The following TRMT2B variants were observed in gnomAD, a reference collection of about 807,000 sequenced individuals.
The protein encoded by TRMT2B is tRNA methyltransferase 2B.
A neutral mutation model predicts 39.7 loss-of-function variants in TRMT2B; 34 were observed. The ratio of observed to expected loss-of-function variants is 0.86; its 90% CI spans 0.65 to 1.14. The LOEUF is 1.14. Among genes scored for constraint, TRMT2B ranks in the 50% most tolerant of loss-of-function variants. The pLI is 0.00. For missense variants in TRMT2B, 318 were observed against 377.2 expected, an observed-to-expected ratio of 0.84 and a Z score of 1.30; for synonymous variants, 132 against 137.3, an observed-to-expected ratio of 0.96 and a Z score of 0.27.
the TRMT2B span, chrX:100,988,640 C>G: frequency 5.2e-6 from 4 of 767,856 alleles, no homozygotes; most frequent in Non-Finnish European, 6.6e-6. Context: ...CAATTTTGAG[C>G]CTGAATTTCT....
chrX:101,043,819 G>A (rs1371495137), intron 2 of TRMT2B, among the ~76,000 whole-genome samples: 3 of 112,359 alleles, frequency 2.7e-5, no homozygotes, highest in Non-Finnish European at 5.6e-5. Flanking sequence ...GCAACAGGCT[G>A]AAAAGTTAAG....
At chrX:101,045,359 C>T (rs769832606) in intron 2 of TRMT2B, among the ~76,000 whole-genome samples, 38 of 105,494 alleles carry the variant, frequency 3.6e-4, no homozygotes, top group Non-Finnish European at 6.6e-4. Flanking sequence ...GAGGCTGAGG[C>T]AGGAGAATCG....
At chrX:101,013,393 A>T (rs1450742259) in intron 13 of TRMT2B, among the ~76,000 whole-genome samples, 1 of 111,480 alleles carries the variant, frequency 9.0e-6, no homozygotes, top group Admixed American at 9.7e-5. Flanking sequence ...GAATCAACTA[A>T]AAAATGAATA....
At chrX:100,992,717 T>C in the TRMT2B span, among the ~76,000 whole-genome samples, 1 of 112,194 alleles carries the variant, frequency 8.9e-6, no homozygotes, top group Admixed American at 9.5e-5. Flanking sequence ...GTGCTTTATA[T>C]ATATAATTAC....
chrX:101,012,103 A>G (rs1288136754), intron 13 of TRMT2B, among the ~76,000 whole-genome samples: 1 of 111,252 alleles, frequency 9.0e-6, no homozygotes. Context: ...TAAACCAGTA[A>G]CACAGTCATT....
intron 8 of TRMT2B, among the ~76,000 whole-genome samples, chrX:101,022,281 G>A (rs1602551775): frequency 9.0e-6 from 1 of 110,786 alleles, no homozygotes; most frequent in South Asian, 3.8e-4. Flanking sequence ...TTGAGCCCAG[G>A]AGTGTAAGAC....
intron 2 of TRMT2B, among the ~76,000 whole-genome samples, chrX:101,042,623 T>C (rs1170881988): frequency 8.9e-6 from 1 of 112,007 alleles, no homozygotes; most frequent in Non-Finnish European, 1.9e-5. Context: ...GCAGCTAATA[T>C]TTAGTAAGTG....
At chrX:100,986,936 G>T in the TRMT2B span, 2 of 995,378 alleles carry the variant, frequency 2.0e-6, no homozygotes, top group Non-Finnish European at 2.8e-6. Flanking sequence ...TCTTCCTCTG[G>T]AGCCCAGCTG....
At chrX:101,045,944 G>A (rs1242429613) in intron 2 of TRMT2B, among the ~76,000 whole-genome samples, 3 of 108,748 alleles carry the variant, frequency 2.8e-5, no homozygotes, top group Non-Finnish European at 3.8e-5. Context: ...TCAGCAGTTC[G>A]AGACCAGGCT....
chrX:100,986,905 A>G, the TRMT2B span: 12 of 1,131,756 alleles, frequency 1.1e-5, no homozygotes, highest in Non-Finnish European at 1.2e-5. Context: ...CCGAGTAGTA[A>G]GTGTCAACCT....
the TRMT2B span, among the ~76,000 whole-genome samples, chrX:100,979,191 T>A: frequency 8.9e-6 from 1 of 111,850 alleles, no homozygotes; most frequent in African/African-American, 3.2e-5. Flanking sequence ...ATATTCTGTA[T>A]TTGTCTGTAT....
the TRMT2B span, among the ~76,000 whole-genome samples, chrX:101,003,348 CTTTTT>C: frequency 1.0e-5 from 1 of 97,765 alleles, no homozygotes; most frequent in Non-Finnish European, 2.0e-5. Context: ...CATCCGATAG[CTTTTT>C]TTTTTTTTTT....
At chrX:101,003,320 C>T in the TRMT2B span, among the ~76,000 whole-genome samples, 1 of 106,639 alleles carries the variant, frequency 9.4e-6, no homozygotes, top group Admixed American at 1.0e-4. Flanking sequence ...ACAGGATAGT[C>T]ACATGGCATT....
At chrX:101,005,106 A>G (rs1602484317), downstream of TRMT2B, among the ~76,000 whole-genome samples, 1 of 111,274 alleles carries the variant, frequency 9.0e-6, no homozygotes, top group African/African-American at 3.3e-5. Context: ...AAGAGAGACT[A>G]AAGAGGCCAT....
rs2089094755 is a variant in TRMT2B at position 101,051,547 on chromosome X, T to C, written c.-320A>G. ...ACAAAGAGGAGACACTAGGAAAGGC[T>C]ACCACTAAACTTGGCCGGTCTGCAG... is the stretch of plus-strand genomic sequence containing the variant. On this transcript the variant is annotated 5_prime_UTR_variant, in exon 2 of 14. Transcript: ENST00000372936. 1 of 754,466 alleles carries C rather than the reference T, an allele frequency of 1.3e-6. No individual in the cohort carries two copies. The highest frequency in any genetic ancestry group is 1.5e-4 in the East Asian group (1 of 6,634). The allele number at this position is 754,466 out of a possible 1,213,427, so 62.2% of individuals were successfully genotyped here.
chrX:101,036,662 G>A (rs183187402), intron 6 of TRMT2B, among the ~76,000 whole-genome samples: 3 of 111,118 alleles, frequency 2.7e-5, no homozygotes, highest in African/African-American at 6.5e-5. Flanking sequence ...GCAGAAAGCA[G>A]CATAAAATGA....
chrX:101,045,064 T>C (rs2088553051), intron 2 of TRMT2B, among the ~76,000 whole-genome samples: 1 of 106,089 alleles, frequency 9.4e-6, no homozygotes, highest in African/African-American at 3.4e-5. Context: ...TGCTCATGTC[T>C]GTAATCCCAG....
the TRMT2B span, among the ~76,000 whole-genome samples, chrX:101,001,785 C>G: frequency 1.0e-5 from 1 of 95,447 alleles, no homozygotes; most frequent in Non-Finnish European, 2.0e-5. Context: ...GCTTAAAACA[C>G]GGAATTCAAA....
At chrX:101,010,838 T>A in intron 13 of TRMT2B, 131 bp from the exon 14 acceptor site, 1 of 566,984 alleles carries the variant, frequency 1.8e-6, no homozygotes, top group East Asian at 3.6e-5. Context: ...ACAGCATTTA[T>A]CTTATTTAAT....
Sources: allele counts gnomAD v4.1 joint callset (sites outside exome capture counted in the v4.1 genomes callset), GRCh38; gene constraint gnomAD v4.1.1; transcripts MANE v1.5; gene names NCBI Gene and HGNC (gene_info 2026-07-23, HGNC 2026-07-21).